Variants in SLC29A4 observed in about 807,000 individuals in gnomAD.
The protein encoded by SLC29A4 is equilibrative nucleoside transporter 4.
Under a neutral mutation model 43.9 loss-of-function variants are expected in SLC29A4, and 36 were observed. That is an observed-to-expected ratio of 0.82 (90% confidence interval 0.63 to 1.08). The LOEUF (loss-of-function observed/expected upper bound fraction) is 1.08, where lower values mean the gene tolerates loss of function less well. Among genes scored for constraint, SLC29A4 ranks in the 50% least tolerant of loss-of-function variants. SLC29A4 has a pLI of 0.00. For missense variants in SLC29A4, 869 were observed against 755.3 expected, an observed-to-expected ratio of 1.15 and a Z score of -1.77; for synonymous variants, 491 against 338.0, an observed-to-expected ratio of 1.45 and a Z score of -4.97.
chr7:5,300,988 G>C (rs1786121369), intron 10 of SLC29A4, among the ~76,000 whole-genome samples: 2 of 152,334 alleles, frequency 1.3e-5, no homozygotes, highest in East Asian at 3.9e-4. Flanking sequence ...GCCGGGCACA[G>C]TGGCTCGTAC....
rs776684448 is a variant in SLC29A4 at position 5,299,202 on chromosome 7, G to A, written c.1022-38G>A. 1.2e-5 allele frequency: 19 copies of A among 1,599,624 alleles called. No homozygotes were observed. In the African/African-American group the frequency reaches 1.5e-4, roughly 12 times the overall value. ...GTGGGGGAGGCAGGCAGGGGTCCCC[G>A]TGGGCGCTGCCTCTGACCCCCGCCC... On this transcript the variant is annotated intron_variant, in intron 8 of 10. Transcript: ENST00000396872.
intron 5 of SLC29A4, among the ~76,000 whole-genome samples, chr7:5,292,477 C>T (rs1036423759): frequency 4.6e-5 from 7 of 151,982 alleles, no homozygotes; most frequent in African/African-American, 7.3e-5. Flanking sequence ...AGAAAGCTTG[C>T]AAGAATGATA....
intron 10 of SLC29A4, among the ~76,000 whole-genome samples, chr7:5,302,540 C>G (rs1429848143): frequency 6.6e-6 from 1 of 152,120 alleles, no homozygotes; most frequent in Non-Finnish European, 1.5e-5. Context: ...AAGACCTTGT[C>G]TTTAAATTTT....
rs1420034838 is a variant in SLC29A4, at chr7:5,290,689, T to C, written c.170-43T>C. 4.4e-6 allele frequency: 7 copies of C among 1,578,538 alleles called. No individual in the cohort carries two copies. In the East Asian group the frequency reaches 9.0e-5, roughly 20 times the overall value. ...TCGCCCTGTGCGGTGACTGTAGCCA[T>C]GCGTGGAGCGTGCCCCGTCTCACCT... On this transcript the variant is annotated intron_variant, in intron 2 of 10. Transcript: ENST00000396872.
At chr7:5,301,517 A>C (rs1350926887) in intron 10 of SLC29A4, among the ~76,000 whole-genome samples, 2 of 152,168 alleles carry the variant, frequency 1.3e-5, no homozygotes, top group Non-Finnish European at 2.9e-5. Flanking sequence ...AGCATGTGCA[A>C]AGATCCTGCG....
At chr7:5,296,895 C>G in intron 6 of SLC29A4, 41 bp from the exon 7 acceptor site, 2 of 1,434,992 alleles carry the variant, frequency 1.4e-6, no homozygotes, top group Non-Finnish European at 9.4e-7. Context: ...GTGCAGGGAG[C>G]TGGGCGGATC....
intron 1 of SLC29A4, among the ~76,000 whole-genome samples, chr7:5,287,562 CAGAG>C (rs931451752): frequency 2.0e-5 from 3 of 152,208 alleles, no homozygotes; most frequent in South Asian, 2.1e-4. Flanking sequence ...AACTGAGGCT[CAGAG>C]AGGTTTAGGC....
At chr7:5,296,247 C>G (rs1172687466) in intron 6 of SLC29A4, among the ~76,000 whole-genome samples, 3 of 151,966 alleles carry the variant, frequency 2.0e-5, no homozygotes, top group Non-Finnish European at 4.4e-5. Flanking sequence ...CCTTTCTGCC[C>G]CCTGCCTGAA....
Position 5,291,767 on chromosome 7 carries a change from C to T in SLC29A4, c.490C>T (p.Gln164Ter), listed in dbSNP as rs745372603. The T allele has an allele frequency of 1.2e-6, 2 of 1,612,018 alleles. No individual in the cohort carries two copies. The highest frequency in any genetic ancestry group is 8.5e-7 in the Non-Finnish European group (1 of 1,179,836). ...DVWLQLFSRD[Q>*]AYAINLAAVG... The stretch of plus-strand genomic sequence containing the variant: ...GTGGCTGCAGCTCTTCTCTCGGGAC[C>T]AGGCCTACGCCATCAACCTGGCCGC... The change falls in exon 5 of 11, where the codon CAG (glutamine) becomes TAG (stop). Residue 164 changes from glutamine to a stop codon, truncating the protein, a stop_gained. Coordinates refer to ENST00000396872, the MANE Select transcript of SLC29A4 (RefSeq NM_153247.4). LOFTEE classifies it high-confidence loss of function.
At chr7:5,299,462 C>G (rs752621122) in intron 9 of SLC29A4, 35 bp downstream of exon 9, 1 of 1,591,076 alleles carries the variant, frequency 6.3e-7, no homozygotes, top group South Asian at 1.1e-5. Context: ...TCGGGGGACG[C>G]CATGGGGTGG....
At chr7:5,290,939 G>A (rs1034590021) in intron 3 of SLC29A4, 76 bp downstream of exon 3, 18 of 1,555,888 alleles carry the variant, frequency 1.2e-5, no homozygotes, top group African/African-American at 5.4e-5. Flanking sequence ...AACCCCCGGC[G>A]GGGAGGGTCC....
At chr7:5,300,108 T>C (rs1008564782) in intron 9 of SLC29A4, among the ~76,000 whole-genome samples, 2 of 152,046 alleles carry the variant, frequency 1.3e-5, no homozygotes, top group African/African-American at 4.8e-5. Flanking sequence ...GGTGCGTGCC[T>C]ATGGTCCCAG....
chr7:5,289,388 C>CT (rs1286093939), intron 2 of SLC29A4, among the ~76,000 whole-genome samples: 1 of 151,642 alleles, frequency 6.6e-6, no homozygotes, highest in Non-Finnish European at 1.5e-5. Flanking sequence ...CGGCGAGACT[C>CT]TGAAAAAAAA....
intron 9 of SLC29A4, 40 bp from the exon 10 acceptor site, chr7:5,300,382 G>T: frequency 6.2e-7 from 1 of 1,608,816 alleles, no homozygotes; most frequent in Non-Finnish European, 8.5e-7. Flanking sequence ...GAGTGGGGCT[G>T]TGGCCGGGAC....
chr7:5,299,282 C>T lies in SLC29A4; in HGVS notation c.1064C>T (p.Ala355Val), dbSNP rs374421321. 9.2e-5 allele frequency: 148 copies of T among 1,611,912 alleles called. No individual in the cohort carries two copies. Among genetic ancestry groups the T allele is most frequent in the Non-Finnish European group, 1.2e-4 (145 of 1,179,936 alleles). ...TACGTGGTGGCGCGGGTGATCTGGG[C>T]CGACATGCTCTCCATCGCCGTGACC... Reference protein sequence around the residue: ...HRYVVARVIWADMLSIAVTYF... With the variant: ...HRYVVARVIWVDMLSIAVTYF... The change falls in exon 9 of 11, where the codon GCC becomes GTC. Residue 355 changes from alanine (A) to valine (V), a missense_variant. Ala to Val is a moderately conservative substitution (Grantham distance 64). Coordinates refer to ENST00000396872, the MANE Select transcript of SLC29A4 (RefSeq NM_153247.4).
chr7:5,297,024 G>A lies in SLC29A4; in HGVS notation c.708G>A (p.Leu236=), dbSNP rs1318111019. The change falls in exon 7 of 11, where the codon CTG becomes CTA. Residue 236 remains leucine (L), a synonymous_variant. Transcript: ENST00000396872. ...GCGCCAGCACGCTCATCTTCTTCCT[G>A]GTGTCGGTGGCGCTGGAGCTGCTGT... ...DERASTLIFF[L]VSVALELLCF... The A allele has an allele frequency of 5.0e-6, 8 of 1,606,418 alleles. No homozygotes were observed. Among genetic ancestry groups the A allele is most frequent in the Non-Finnish European group, 5.9e-6 (7 of 1,179,750 alleles).
chr7:5,294,247 A>G (rs1420539911), intron 5 of SLC29A4, among the ~76,000 whole-genome samples: 4 of 152,134 alleles, frequency 2.6e-5, no homozygotes, highest in Non-Finnish European at 4.4e-5. Flanking sequence ...AGCCTTGACC[A>G]GAAGATTTTA....
chr7:5,283,324 C>T (rs1453101376), intron 1 of SLC29A4, among the ~76,000 whole-genome samples: 3 of 151,554 alleles, frequency 2.0e-5, no homozygotes, highest in African/African-American at 7.3e-5. Context: ...GGGGTCGGCG[C>T]CACCGCCTCC....
intron 3 of SLC29A4, 43 bp from the exon 4 acceptor site, chr7:5,291,081 G>A (rs751123970): frequency 1.3e-6 from 2 of 1,598,398 alleles, no homozygotes; most frequent in Non-Finnish European, 1.7e-6. Context: ...CAGTGCAGGG[G>A]GTGGGGCCTC....
Sources: gnomAD v4.1 joint callset for allele counts (sites outside exome capture counted in the v4.1 genomes callset) on GRCh38, gnomAD v4.1.1 for gene constraint, MANE v1.5 for transcripts, NCBI Gene and HGNC (gene_info 2026-07-23, HGNC 2026-07-21) for gene names.